The following INPP4B variants were observed in gnomAD, a reference collection of about 807,000 sequenced individuals.
INPP4B encodes the protein inositol polyphosphate 4-phosphatase type II.
Under a neutral mutation model 122.5 loss-of-function variants are expected in INPP4B, and 55 were observed. The observed-to-expected ratio is 0.45, with a 90% confidence interval of 0.36 to 0.56. The LOEUF (loss-of-function observed/expected upper bound fraction) is 0.56, where lower values mean the gene tolerates loss of function less well. INPP4B is among the 20% of genes least tolerant of loss of function. The pLI, the probability that INPP4B is intolerant of heterozygous loss-of-function variation, is 0.00. For synonymous variants in INPP4B, 403 were observed against 388.7 expected (o/e 1.04, Z -0.43); for missense variants, 1,000 against 1,097.7 (o/e 0.91, Z 1.26).
At chr4:142,313,028 G>A (rs1462554783) in intron 8 of INPP4B, among the ~76,000 whole-genome samples, 3 of 152,164 alleles carry the variant, frequency 2.0e-5, no homozygotes, top group Admixed American at 1.3e-4. Flanking sequence ...GACATGTGTG[G>A]GACTCACATT....
chr4:142,317,508 G>C, intron 7 of INPP4B: 1 of 251,452 alleles, frequency 4.0e-6, no homozygotes. Context: ...CCAGGGAGAT[G>C]GTGTTGTCCT....
chr4:142,505,082 C>A (rs1823833823), intron 2 of INPP4B, among the ~76,000 whole-genome samples: 1 of 151,586 alleles, frequency 6.6e-6, no homozygotes, highest in Non-Finnish European at 1.5e-5. Context: ...AAAAATAATT[C>A]TTTTTTAAAT....
chr4:142,160,569 G>C lies in INPP4B; in HGVS notation c.1360-8C>G. ...ATGTACAAAAAGCTCTGTCTGGAAA[G>C]AAATTGACAAGGATTAGAAACACCT... On this transcript the variant is annotated splice_polypyrimidine_tract_variant and splice_region_variant and intron_variant, in intron 16 of 25. Transcript: ENST00000262992. 1 of 1,586,802 alleles carries C rather than the reference G, an allele frequency of 6.3e-7. No homozygotes were observed. The highest frequency in any genetic ancestry group is 8.6e-7 in the Non-Finnish European group (1 of 1,159,368).
chr4:142,193,065 C>G, intron 15 of INPP4B, 22 bp downstream of exon 15: 1 of 1,407,244 alleles, frequency 7.1e-7, no homozygotes, highest in Non-Finnish European at 1.0e-6. Context: ...GGAATCTGTG[C>G]TTTCCTCCTG....
intron 3 of INPP4B, among the ~76,000 whole-genome samples, chr4:142,434,075 C>T (rs1809898708): frequency 6.6e-6 from 1 of 152,008 alleles, no homozygotes; most frequent in Non-Finnish European, 1.5e-5. Context: ...TAGTCTTTAC[C>T]TCACAATCAT....
intron 2 of INPP4B, among the ~76,000 whole-genome samples, chr4:142,590,052 A>C (rs1008750528): frequency 3.3e-5 from 5 of 152,182 alleles, no homozygotes; most frequent in Non-Finnish European, 5.9e-5. Context: ...TATTCCAAAA[A>C]AGACAAAACA....
intron 7 of INPP4B, among the ~76,000 whole-genome samples, chr4:142,323,063 T>A (rs1168711028): frequency 6.6e-6 from 1 of 152,200 alleles, no homozygotes; most frequent in African/African-American, 2.4e-5. Flanking sequence ...CCATCAAATA[T>A]GGTTCCCTTT....
rs1561598749 is a variant in INPP4B at position 142,245,875 on chromosome 4, TATATATGTGTATGTATAC to T, written c.689-7882_689-7865del. On this transcript the variant is annotated intron_variant, in intron 11 of 25. Transcript: ENST00000262992. The stretch of plus-strand genomic sequence containing the variant: ...GTATACATATATGTGTATGTATACA[TATATATGTGTATGTATAC>T]ATATATGTGTATGTATACATATATA... Among the ~76,000 whole-genome samples, 22 of 21,068 alleles carry T rather than the reference TATATATGTGTATGTATAC, an allele frequency of 1.0e-3. 2 individuals are homozygous for T. Among genetic ancestry groups the T allele is most frequent in the East Asian group, 2.3e-3 (1 of 432 alleles). 13.8% of individuals were successfully genotyped at this position (21,068 alleles called of 152,430 possible).
At chr4:142,075,344 C>A (rs555905714) in intron 25 of INPP4B, among the ~76,000 whole-genome samples, 1 of 151,630 alleles carries the variant, frequency 6.6e-6, no homozygotes, top group Non-Finnish European at 1.5e-5. Context: ...AGGACTTAGA[C>A]ATTCTCTAGT....
At chr4:142,430,524 A>G (rs973419866) in intron 4 of INPP4B, among the ~76,000 whole-genome samples, 2 of 152,134 alleles carry the variant, frequency 1.3e-5, no homozygotes, top group African/African-American at 4.8e-5. Flanking sequence ...AAAAAGGCAT[A>G]AAAGGCATAA....
At chr4:142,235,597 T>C (rs1032350505) in intron 12 of INPP4B, among the ~76,000 whole-genome samples, 1 of 152,104 alleles carries the variant, frequency 6.6e-6, no homozygotes, top group African/African-American at 2.4e-5. Context: ...AATTTTGTTT[T>C]TGTATTTTTA....
chr4:142,695,445 T>C (rs1023183725), intron 2 of INPP4B, among the ~76,000 whole-genome samples: 2 of 152,174 alleles, frequency 1.3e-5, no homozygotes, highest in African/African-American at 2.4e-5. Flanking sequence ...ATGCCAAAAA[T>C]ATTATTTCCT....
chr4:142,494,167 CA>C (rs1165813613), intron 2 of INPP4B, among the ~76,000 whole-genome samples: 3 of 152,120 alleles, frequency 2.0e-5, no homozygotes, highest in African/African-American at 7.2e-5. Context: ...AACTGTGAGT[CA>C]ATTAAACTTC....
At chr4:142,276,929 A>C (rs961352872) in intron 9 of INPP4B, among the ~76,000 whole-genome samples, 2 of 151,972 alleles carry the variant, frequency 1.3e-5, no homozygotes, top group African/African-American at 4.8e-5. Context: ...TCCTTGAATT[A>C]AGAAATATTT....
At chr4:142,275,273 C>T (rs528855291) in intron 9 of INPP4B, among the ~76,000 whole-genome samples, 1 of 151,912 alleles carries the variant, frequency 6.6e-6, no homozygotes, top group South Asian at 2.1e-4. Flanking sequence ...AAAACATCTC[C>T]AGAAGTATTA....
intron 4 of INPP4B, among the ~76,000 whole-genome samples, chr4:142,430,670 A>G (rs1053506164): frequency 1.3e-5 from 2 of 152,078 alleles, no homozygotes; most frequent in African/African-American, 4.8e-5. Context: ...CCAAATCTCC[A>G]CTGGCTCTAT....
intron 2 of INPP4B, among the ~76,000 whole-genome samples, chr4:142,495,246 A>G (rs1407550871): frequency 2.0e-5 from 3 of 152,148 alleles, no homozygotes; most frequent in African/African-American, 7.2e-5. Context: ...AAAAATTAAT[A>G]AATAGGACAA....
At chr4:142,347,062 T>C (rs1343520593) in intron 7 of INPP4B, among the ~76,000 whole-genome samples, 1 of 152,100 alleles carries the variant, frequency 6.6e-6, no homozygotes. Flanking sequence ...TGTTAACTAA[T>C]GTGTTGTGTT....
chr4:142,838,052 T>C lies in INPP4B; in HGVS notation c.-254+8157A>G, dbSNP rs1304752808. On this transcript the variant is annotated intron_variant, in intron 1 of 25. Transcript: ENST00000262992. The stretch of plus-strand genomic sequence containing the variant: ...AGTGGTGTTTTTTTTTTTTTAAGTA[T>C]TTATTGCTGTGAACCAGAACAGAGC... 2.0e-5 allele frequency among the ~76,000 whole-genome samples: 3 copies of C among 149,874 alleles called. No individual in the cohort carries two copies. The South Asian group carries it at 6.2e-4, about 31-fold the overall frequency.
Sources: allele counts gnomAD v4.1 joint callset (sites outside exome capture counted in the v4.1 genomes callset), GRCh38; gene constraint gnomAD v4.1.1; transcripts MANE v1.5; gene names NCBI Gene and HGNC (gene_info 2026-07-23, HGNC 2026-07-21).